Variants in PODNL1 observed in about 807,000 individuals in gnomAD.
PODNL1 encodes podocan-like protein 1.
In PODNL1, 50 loss-of-function variants were observed where a neutral mutation model predicts 45.1. The observed-to-expected ratio is 1.11, with a 90% confidence interval of 0.88 to 1.40. The LOEUF (loss-of-function observed/expected upper bound fraction) is 1.40. Ranked by LOEUF, PODNL1 falls within the 40% of genes most tolerant of loss-of-function variation. PODNL1 has a pLI of 0.00. For synonymous variants in PODNL1, 406 were observed against 372.5 expected (o/e 1.09, Z -1.04); for missense variants, 788 against 793.3 (o/e 0.99, Z 0.08).
At chr19:13,952,074 C>G (rs1298613794) in intron 1 of PODNL1, among the ~76,000 whole-genome samples, 2 of 152,200 alleles carry the variant, frequency 1.3e-5, no homozygotes, top group East Asian at 3.9e-4. Flanking sequence ...GCTCGTCAGG[C>G]CTTTGCCCAC....
chr19:13,949,338 G>T (rs564464098), intron 1 of PODNL1: 7 of 151,982 alleles, frequency 4.6e-5, no homozygotes, highest in Admixed American at 1.3e-4. Flanking sequence ...ACAGGGTCTT[G>T]CTCTGTCACC....
chr19:13,951,728 C>G (rs1220104688), intron 1 of PODNL1, among the ~76,000 whole-genome samples: 1 of 151,988 alleles, frequency 6.6e-6, no homozygotes, highest in Non-Finnish European at 1.5e-5. Context: ...ACCGTGATCA[C>G]GCCACTGCAC....
chr19:13,934,568 A>T (rs1420108538), intron 5 of PODNL1, among the ~76,000 whole-genome samples, 158 bp from the exon 6 acceptor site: 1 of 150,162 alleles, frequency 6.7e-6, no homozygotes, highest in Non-Finnish European at 1.5e-5. Flanking sequence ...GTAATTGTGT[A>T]TGTGTGCATG....
intron 1 of PODNL1, among the ~76,000 whole-genome samples, chr19:13,946,374 G>A (rs1972814666): frequency 6.6e-6 from 1 of 151,166 alleles, no homozygotes; most frequent in Admixed American, 6.6e-5. Context: ...AGGTTGCAGT[G>A]AGCCAAGATC....
upstream of PODNL1, among the ~76,000 whole-genome samples, chr19:13,941,537 G>A (rs904185470): frequency 2.0e-5 from 3 of 151,686 alleles, no homozygotes; most frequent in South Asian, 2.1e-4. Flanking sequence ...GTGGCTGGGC[G>A]CAGTGGCCCA....
intron 1 of PODNL1, among the ~76,000 whole-genome samples, chr19:13,949,985 C>T (rs959317384): frequency 6.6e-6 from 1 of 152,012 alleles, no homozygotes; most frequent in Non-Finnish European, 1.5e-5. Context: ...CTCAGCCTCC[C>T]GAGAAGCTGG....
chr19:13,952,120 C>T (rs1012995775), intron 1 of PODNL1, among the ~76,000 whole-genome samples: 1 of 152,252 alleles, frequency 6.6e-6, no homozygotes, highest in Non-Finnish European at 1.5e-5. Flanking sequence ...GCTGAGGATT[C>T]TCGAGCCTTG....
In PODNL1 at chr19:13,948,938, C is replaced by T. The variant is rs557776865; in HGVS notation, c.18+4181G>A. ...CCTGGGTGACAGAGTGAGACTCTGT[C>T]TCAGAAAAAAAAAAAAAAATCCTCC... On this transcript the variant is annotated intron_variant, in intron 1 of 7. Transcript: ENST00000538371. Among the ~76,000 whole-genome samples the T allele has an allele frequency of 1.1e-4, 16 of 143,346 alleles. No individual in the cohort carries two copies. The East Asian group carries it at 2.6e-3, about 24-fold the overall frequency. 94.0% of individuals were successfully genotyped at this position (143,346 alleles called of 152,430 possible). A position where few individuals can be genotyped will look rare whatever the true frequency, so the allele number is the denominator to read the frequency against.
chr19:13,945,550 G>C (rs1471305428), intron 1 of PODNL1, among the ~76,000 whole-genome samples: 2 of 151,468 alleles, frequency 1.3e-5, no homozygotes, highest in African/African-American at 4.8e-5. Flanking sequence ...GCAGTGGCAT[G>C]ATCTCGGCTC....
intron 1 of PODNL1, among the ~76,000 whole-genome samples, chr19:13,947,030 CA>C (rs538797196): frequency 0.027 from 2,255 of 83,690 alleles, 41 homozygotes; most frequent in Middle Eastern, 0.067. Context: ...CAGCCTGTCT[CA>C]AAAAAAAAAA....
intron 1 of PODNL1, chr19:13,952,885 TGGGGGCGGGGCCCCAGGGA>T: frequency 6.4e-6 from 1 of 155,790 alleles, no homozygotes; most frequent in Non-Finnish European, 1.2e-5. Flanking sequence ...TGGAGGGGGT[TGGGGGCGGGGCCCCAGGGA>T]GGGGGCTCGG....
chr19:13,947,046 C>CA (rs1206597684), intron 1 of PODNL1, among the ~76,000 whole-genome samples: 14 of 136,550 alleles, frequency 1.0e-4, no homozygotes, highest in African/African-American at 3.2e-4. Context: ...AAAAAAAACA[C>CA]AAAAAAACAA....
chr19:13,940,519 C>G (rs563199355), upstream of PODNL1, among the ~76,000 whole-genome samples: 6 of 124,784 alleles, frequency 4.8e-5, no homozygotes, highest in South Asian at 1.6e-3. Context: ...TGCAGTGAGC[C>G]GAGATCACGC....
chr19:13,952,943 G>A, intron 1 of PODNL1: 1 of 895,986 alleles, frequency 1.1e-6, no homozygotes, highest in Non-Finnish European at 1.6e-6. Flanking sequence ...GCCGCAGGGA[G>A]AATCAGGAGG....
chr19:13,944,810 C>T (rs1972764766), intron 1 of PODNL1, among the ~76,000 whole-genome samples: 1 of 151,696 alleles, frequency 6.6e-6, no homozygotes, highest in African/African-American at 2.4e-5. Flanking sequence ...GAGTCTCACT[C>T]TGTCACCCAG....
At chr19:13,948,332 C>T (rs1972889157) in intron 1 of PODNL1, among the ~76,000 whole-genome samples, 1 of 150,752 alleles carries the variant, frequency 6.6e-6, no homozygotes, top group Non-Finnish European at 1.5e-5. Flanking sequence ...TCCTGAGTAG[C>T]TGGGACTACA....
At chr19:13,947,921 C>T (rs575387137) in intron 1 of PODNL1, among the ~76,000 whole-genome samples, 3 of 152,084 alleles carry the variant, frequency 2.0e-5, no homozygotes, top group Non-Finnish European at 2.9e-5. Context: ...TGCAGTGGTG[C>T]GATCATGGCT....
chr19:13,947,962 C>T (rs1056780375), intron 1 of PODNL1, among the ~76,000 whole-genome samples: 3 of 152,074 alleles, frequency 2.0e-5, no homozygotes, highest in African/African-American at 7.2e-5. Flanking sequence ...TGGGCTCAAG[C>T]GATCCTCTCA....
intron 1 of PODNL1, among the ~76,000 whole-genome samples, chr19:13,948,466 C>T (rs1053171084): frequency 3.2e-4 from 48 of 150,264 alleles, no homozygotes; most frequent in African/African-American, 1.1e-3. Context: ...CCTGCCTCAG[C>T]CTCCCAAAGT....
Sources: gnomAD v4.1 joint callset for allele counts (sites outside exome capture counted in the v4.1 genomes callset) on GRCh38, gnomAD v4.1.1 for gene constraint, MANE v1.5 for transcripts, NCBI Gene and HGNC (gene_info 2026-07-23, HGNC 2026-07-21) for gene names.